SORT1: variants seen among roughly 807,000 people sequenced by gnomAD.
The protein encoded by SORT1 is sortilin 1.
In SORT1, 39 loss-of-function variants were observed where a neutral mutation model predicts 101.7. The observed-to-expected ratio is 0.38, with a 90% CI of 0.30 to 0.50. The LOEUF (loss-of-function observed/expected upper bound fraction) is 0.50, where lower values mean the gene tolerates loss of function less well. SORT1 is among the 20% of genes least tolerant of loss of function. The pLI is 0.90. For missense variants in SORT1, 878 were observed against 1,040.4 expected, an observed-to-expected ratio of 0.84 and a Z score of 2.15; for synonymous variants, 396 against 393.7, an observed-to-expected ratio of 1.01 and a Z score of -0.07.
chr1:109,339,485 T>C (rs75262479), intron 10 of SORT1, among the ~76,000 whole-genome samples: 50 of 152,310 alleles, frequency 3.3e-4, no homozygotes, highest in African/African-American at 1.2e-3. Flanking sequence ...AACGAGCATA[T>C]AAAAAGTTGT....
chr1:109,372,978 C>A (rs1210884582), intron 1 of SORT1, among the ~76,000 whole-genome samples: 2 of 151,852 alleles, frequency 1.3e-5, no homozygotes, highest in Non-Finnish European at 2.9e-5. Flanking sequence ...TTGCTTGAAC[C>A]CGAGAGGCGG....
chr1:109,314,551 T>C, intron 18 of SORT1, 121 bp downstream of exon 18: 1 of 1,131,144 alleles, frequency 8.8e-7, no homozygotes, highest in Non-Finnish European at 1.3e-6. Flanking sequence ...GATTTGGGCC[T>C]GATTTTTCAG....
intron 8 of SORT1, among the ~76,000 whole-genome samples, 168 bp from the exon 9 acceptor site, chr1:109,342,326 A>G (rs1371278223): frequency 6.6e-6 from 1 of 152,248 alleles, no homozygotes; most frequent in East Asian, 1.9e-4. Flanking sequence ...TCTAGCCCCT[A>G]GCAAAGTTCT....
Position 109,311,132 on chromosome 1 carries a change from G to C in SORT1, c.*2911C>G, listed in dbSNP as rs928111915. 6.6e-6 allele frequency: 1 copy of C among 152,248 alleles called. No individual in the cohort carries two copies. Among genetic ancestry groups the C allele is most frequent in the African/African-American group, 2.4e-5 (1 of 41,460 alleles). 9.4% of individuals were successfully genotyped at this position (152,248 alleles called of 1,614,324 possible). On this transcript the variant is annotated 3_prime_UTR_variant, in exon 20 of 20. Coordinates refer to ENST00000256637, the MANE Select transcript of SORT1 (RefSeq NM_002959.7). ...GCCATTGAATTAAAAGCCTACAGGA[G>C]AGACGGGCCTGGTCTGTGGTCTCAC...
intron 11 of SORT1, among the ~76,000 whole-genome samples, chr1:109,333,061 G>A (rs566502691): frequency 7.9e-5 from 12 of 152,224 alleles, no homozygotes; most frequent in African/African-American, 2.9e-4. Flanking sequence ...CCAAGTAGCT[G>A]GGACTACAGG....
In SORT1 at chr1:109,314,760, C is replaced by G. The variant is rs1658935393; in HGVS notation, c.2269G>C (p.Val757Leu). 6.2e-7 allele frequency: 1 copy of G among 1,605,982 alleles called. No homozygotes were observed. The highest frequency in any genetic ancestry group is 8.5e-7 in the Non-Finnish European group (1 of 1,172,670). The change falls in exon 18 of 20, where the codon GTT (valine) becomes CTT (leucine). Residue 757 changes from valine to leucine, a missense_variant. Val to Leu is a conservative substitution (Grantham distance 32). Transcript: ENST00000256637. ...CCCACGATGGCCAGGATAATTGGAACAGAATTTGACTTGGAATTCTTGAGA... is the reference window on the plus strand; with the variant it reads ...CCCACGATGGCCAGGATAATTGGAAGAGAATTTGACTTGGAATTCTTGAGA... Reference protein sequence around the residue: ...PEKQNSKSNSVPIILAIVGLM... With the variant: ...PEKQNSKSNSLPIILAIVGLM...
intron 6 of SORT1, among the ~76,000 whole-genome samples, chr1:109,349,217 T>C (rs1278749): frequency 0.97 from 147,647 of 152,040 alleles, 71,841 homozygotes; most frequent in Middle Eastern, 1. Flanking sequence ...TGGTGGCACA[T>C]GCCTGTAATC....
intron 6 of SORT1, among the ~76,000 whole-genome samples, chr1:109,347,787 C>G (rs1031286724): frequency 6.6e-6 from 1 of 152,224 alleles, no homozygotes; most frequent in African/African-American, 2.4e-5. Context: ...TCTACTCACC[C>G]TCTCAACATT....
At chr1:109,369,489 T>A (rs1283992555) in intron 2 of SORT1, 41 bp downstream of exon 2, 3 of 1,304,070 alleles carry the variant, frequency 2.3e-6, no homozygotes, top group Non-Finnish European at 3.3e-6. Context: ...TGTTATCATC[T>A]TCTTGCTGGG....
intron 3 of SORT1, among the ~76,000 whole-genome samples, chr1:109,356,655 A>T (rs1650343821): frequency 6.6e-6 from 1 of 152,258 alleles, no homozygotes; most frequent in South Asian, 2.1e-4. Flanking sequence ...TACCATCCCT[A>T]GGCAGAAGTC....
At chr1:109,357,123 T>C (rs1445472556) in intron 3 of SORT1, among the ~76,000 whole-genome samples, 1 of 152,248 alleles carries the variant, frequency 6.6e-6, no homozygotes, top group Non-Finnish European at 1.5e-5. Flanking sequence ...CTTAGTACTG[T>C]GTTACAGCTG....
chr1:109,371,362 A>G (rs547573314), intron 1 of SORT1, among the ~76,000 whole-genome samples: 134 of 152,364 alleles, frequency 8.8e-4, no homozygotes, highest in African/African-American at 3.0e-3. Flanking sequence ...AATGACATCA[A>G]TGAGGTCCTT....
chr1:109,340,648 G>T (rs1287759358), intron 10 of SORT1, 76 bp downstream of exon 10: 4 of 1,455,192 alleles, frequency 2.7e-6, no homozygotes, highest in South Asian at 1.2e-5. Flanking sequence ...ATTACTAGGG[G>T]ACAGGTTCCC....
intron 2 of SORT1, 93 bp from the exon 3 acceptor site, chr1:109,367,574 T>C (rs1397265026): frequency 2.9e-5 from 22 of 750,168 alleles, no homozygotes; most frequent in Non-Finnish European, 4.8e-5. Flanking sequence ...TAAAAGACTT[T>C]TGATATCCCT....
chr1:109,358,946 T>G (rs1407806320), intron 3 of SORT1, among the ~76,000 whole-genome samples: 1 of 152,116 alleles, frequency 6.6e-6, no homozygotes, highest in Non-Finnish European at 1.5e-5. Context: ...TAAATGATCA[T>G]TTTTGCATGT....
In SORT1 at chr1:109,311,014, A is replaced by G. The variant is rs1658697497; in HGVS notation, c.*3029T>C. ...CCATTCAGAGGCAGACGTAGATTCT[A>G]CGTTCCAGTTACGGCTGATCTATGG... On this transcript the variant is annotated 3_prime_UTR_variant, in exon 20 of 20. Transcript: ENST00000256637. The G allele has an allele frequency of 6.6e-6, 1 of 152,234 alleles. No homozygotes were observed. Among genetic ancestry groups the G allele is most frequent in the African/African-American group, 2.4e-5 (1 of 41,442 alleles). 9.4% of individuals were successfully genotyped at this position (152,234 alleles called of 1,614,324 possible).
chr1:109,316,559 T>C (rs1371637996), intron 17 of SORT1, among the ~76,000 whole-genome samples: 1 of 152,134 alleles, frequency 6.6e-6, no homozygotes, highest in Non-Finnish European at 1.5e-5. Flanking sequence ...TTTTCCTAAA[T>C]GACTCTCAGC....
At chr1:109,365,949 G>A (rs1651058873) in intron 3 of SORT1, among the ~76,000 whole-genome samples, 1 of 152,058 alleles carries the variant, frequency 6.6e-6, no homozygotes, top group Non-Finnish European at 1.5e-5. Context: ...CTCCCACTTG[G>A]GCCAAGAACA....
In SORT1 at chr1:109,340,845, A is replaced by G; in HGVS notation, c.1143T>C (p.Asp381=). The G allele has an allele frequency of 6.2e-7, 1 of 1,613,930 alleles. No homozygotes were observed. Among genetic ancestry groups the G allele is most frequent in the East Asian group, 2.2e-5 (1 of 44,886 alleles). Reference sequence around the variant, plus strand: ...AAGACTTGGAATAGACAATGCCTCGATCATCTGAGGTAAAGATTGTGCCAA... The same window carrying G: ...AAGACTTGGAATAGACAATGCCTCGGTCATCTGAGGTAAAGATTGTGCCAA... ...TGFGTIFTSD[D]RGIVYSKSLD... Residue 381 remains aspartate (D), a synonymous_variant, in exon 10 of 20, where the codon GAT becomes GAC. Coordinates refer to ENST00000256637, the MANE Select transcript of SORT1 (RefSeq NM_002959.7).
Sources: allele counts gnomAD v4.1 joint callset (sites outside exome capture counted in the v4.1 genomes callset), GRCh38; gene constraint gnomAD v4.1.1; transcripts MANE v1.5; gene names NCBI Gene and HGNC (gene_info 2026-07-23, HGNC 2026-07-21).